Variants in ZSCAN26 observed in about 807,000 individuals in gnomAD.
ZSCAN26 encodes zinc finger and SCAN domain-containing protein 26.
Under a neutral mutation model 23.0 loss-of-function variants are expected in ZSCAN26, and 26 were observed. The observed-to-expected ratio is 1.13, with a 90% CI of 0.83 to 1.57. The LOEUF (loss-of-function observed/expected upper bound fraction) is 1.57, where lower values mean the gene tolerates loss of function less well. ZSCAN26 is among the 40% of genes most tolerant of loss of function. The pLI, the probability that ZSCAN26 is intolerant of heterozygous loss-of-function variation, is 0.00. For missense variants in ZSCAN26, 528 were observed against 568.5 expected (o/e 0.93, Z 0.72); for synonymous variants, 180 against 202.5 (o/e 0.89, Z 0.94).
At chr6:28,275,804 C>T (rs1395933469) in intron 3 of ZSCAN26, among the ~76,000 whole-genome samples, 4 of 152,142 alleles carry the variant, frequency 2.6e-5, no homozygotes, top group South Asian at 2.1e-4. Context: ...GTTAAAATGT[C>T]GTCCCTTTCT....
intron 3 of ZSCAN26, 65 bp from the exon 4 acceptor site, chr6:28,276,128 TAG>T: frequency 4.2e-6 from 6 of 1,426,984 alleles, no homozygotes; most frequent in Non-Finnish European, 5.7e-6. Context: ...TTTTTCCTTT[TAG>T]TTGCAGATTC....
chr6:28,269,408 A>G (rs1168965915), intron 1 of ZSCAN26, among the ~76,000 whole-genome samples: 1 of 152,166 alleles, frequency 6.6e-6, no homozygotes, highest in East Asian at 1.9e-4. Flanking sequence ...CGGTAAAGAT[A>G]GGTAGAGATC....
intron 3 of ZSCAN26, among the ~76,000 whole-genome samples, chr6:28,274,012 G>A (rs369008192): frequency 1.4e-4 from 22 of 151,932 alleles, no homozygotes; most frequent in South Asian, 1.0e-3. Flanking sequence ...CAAGCCACTC[G>A]CCCAGCCTCC....
intron 1 of ZSCAN26, among the ~76,000 whole-genome samples, chr6:28,270,906 A>G (rs150900635): frequency 1.4e-3 from 216 of 152,346 alleles, no homozygotes; most frequent in African/African-American, 4.5e-3. Flanking sequence ...CTGTGCTCAT[A>G]TCATTTCCCT....
chr6:28,276,569 C>T lies in ZSCAN26; in HGVS notation c.913C>T (p.His305Tyr). 1 of 1,613,274 alleles carries T rather than the reference C, an allele frequency of 6.2e-7. No homozygotes were observed. Among genetic ancestry groups the T allele is most frequent in the South Asian group, 1.1e-5 (1 of 90,882 alleles). ...SSHLVRHQKI[H>Y]LGEKPYQCNE... ...ACACCTCGTCAGACATCAGAAAATC[C>T]ATCTTGGTGAGAAGCCTTATCAGTG... The change falls in exon 4 of 4, where the codon CAT becomes TAT. Residue 305 changes from histidine to tyrosine, a missense_variant. Physicochemically the swap from His to Tyr is moderately conservative, Grantham distance 83. Transcript: ENST00000421553.
At chr6:28,268,266 A>G (rs1761526223) in intron 1 of ZSCAN26, among the ~76,000 whole-genome samples, 1 of 152,090 alleles carries the variant, frequency 6.6e-6, no homozygotes, top group Non-Finnish European at 1.5e-5. Flanking sequence ...ATGAAGTGTG[A>G]GTGGGCATTA....
chr6:28,267,143 A>G lies in ZSCAN26; in HGVS notation c.-137A>G, dbSNP rs891033028. 3.9e-5 allele frequency: 6 copies of G among 152,024 alleles called. No individual in the cohort carries two copies. The highest frequency in any genetic ancestry group is 7.3e-5 in the African/African-American group (3 of 41,290). 9.4% of individuals were successfully genotyped at this position (152,024 alleles called of 1,614,324 possible). ...GGAGAAGAAAGCGCTCCGAAGAGCT[A>G]GAGCTGACACTCGGCGATGAGCTAA... is the stretch of plus-strand genomic sequence containing the variant. On this transcript the variant is annotated 5_prime_UTR_variant, in exon 1 of 4. Coordinates refer to ENST00000421553, the MANE Select transcript of ZSCAN26 (RefSeq NM_001023560.4).
Position 28,277,016 on chromosome 6 carries a change from A to G in ZSCAN26, c.1360A>G (p.Ser454Gly). ...CAATGAAGAAAAACCCTATCAGTGT[A>G]GTGAATGTGGAGAAGCCTTCAGGCA... ...IHNEEKPYQCSECGEAFRQRS... is the reference protein window; with the variant it reads ...IHNEEKPYQCGECGEAFRQRS... Residue 454 changes from serine to glycine, a missense_variant, in exon 4 of 4, where the codon AGT becomes GGT. Ser to Gly is a moderately conservative substitution (Grantham distance 56, BLOSUM62 0). Transcript: ENST00000421553. 1 of 1,614,048 alleles carries G rather than the reference A, an allele frequency of 6.2e-7. No individual in the cohort carries two copies. Among genetic ancestry groups the G allele is most frequent in the Non-Finnish European group, 8.5e-7 (1 of 1,179,874 alleles).
In ZSCAN26 at chr6:28,271,947, T is replaced by TCCCTGGCTC; in HGVS notation, c.34_42dup (p.Ala12_Leu14dup). ...GGCAACAGCATTGGTGAGTGCCCAT[T>TCCCTGGCTC]CCCTGGCTCCCCTGAATCTGAAGAA... On this transcript the variant is annotated inframe_insertion, in exon 2 of 4. Transcript: ENST00000421553. The TCCCTGGCTC allele has an allele frequency of 6.4e-7, 1 of 1,551,572 alleles. No homozygotes were observed. The highest frequency in any genetic ancestry group is 2.4e-5 in the East Asian group (1 of 40,918).
chr6:28,272,419 G>A lies in ZSCAN26; in HGVS notation c.420+80G>A, dbSNP rs917930085. The A allele has an allele frequency of 1.3e-5, 19 of 1,408,090 alleles. No individual in the cohort carries two copies. In the African/African-American group the frequency reaches 1.6e-4, roughly 12 times the overall value. The allele number at this position is 1,408,090 out of a possible 1,614,324, so 87.2% of individuals were successfully genotyped here. ...GACAGGTGGACATGGGCTCATCAGC[G>A]GAAGGAGAATTACTAAGCTTTGATT... On this transcript the variant is annotated intron_variant, in intron 2 of 3. Coordinates refer to ENST00000421553, the MANE Select transcript of ZSCAN26 (RefSeq NM_001023560.4).
chr6:28,275,189 C>G (rs958647519), intron 3 of ZSCAN26, among the ~76,000 whole-genome samples: 1 of 152,136 alleles, frequency 6.6e-6, no homozygotes, highest in Non-Finnish European at 1.5e-5. Flanking sequence ...TAGAGTCTTT[C>G]TTCTATTTTC....
Position 28,272,244 on chromosome 6 carries a change from G to A in ZSCAN26, c.325G>A (p.Ala109Thr). The change falls in exon 2 of 4, where the codon GCC becomes ACC. Residue 109 changes from alanine to threonine, a missense_variant. Physicochemically the swap from Ala to Thr is moderately conservative, Grantham distance 58. Coordinates refer to ENST00000421553, the MANE Select transcript of ZSCAN26 (RefSeq NM_001023560.4). ...FLIILPKELQ[A>T]RVQEHHPESR... Reference sequence around the variant, plus strand: ...GATCATCCTGCCTAAGGAGCTCCAGGCCCGGGTGCAGGAGCATCACCCAGA... The same window carrying A: ...GATCATCCTGCCTAAGGAGCTCCAGACCCGGGTGCAGGAGCATCACCCAGA... 6.2e-7 allele frequency: 1 copy of A among 1,612,848 alleles called. No homozygotes were observed. Among genetic ancestry groups the A allele is most frequent in the Non-Finnish European group, 8.5e-7 (1 of 1,179,462 alleles).
chr6:28,269,874 G>T (rs144449885), intron 1 of ZSCAN26, among the ~76,000 whole-genome samples: 296 of 152,284 alleles, frequency 1.9e-3, no homozygotes, highest in African/African-American at 6.5e-3. Context: ...AAATATCTGA[G>T]CACCCTGTGG....
At chr6:28,272,610 C>A in intron 2 of ZSCAN26, 60 bp from the exon 3 acceptor site, 1 of 1,372,368 alleles carries the variant, frequency 7.3e-7, no homozygotes, top group South Asian at 1.3e-5. Flanking sequence ...TTTTACTGAA[C>A]AGCAGTTTCC....
intron 2 of ZSCAN26, among the ~76,000 whole-genome samples, 158 bp downstream of exon 2, chr6:28,272,497 C>T (rs1761738767): frequency 6.6e-6 from 1 of 152,194 alleles, no homozygotes; most frequent in African/African-American, 2.4e-5. Flanking sequence ...CTCAACCTTA[C>T]CTGGCCCTTG....
intron 3 of ZSCAN26, among the ~76,000 whole-genome samples, 192 bp from the exon 4 acceptor site, chr6:28,276,003 T>G (rs2113727111): frequency 6.6e-6 from 1 of 152,354 alleles, no homozygotes; most frequent in African/African-American, 2.4e-5. Flanking sequence ...ATTCCCCATC[T>G]TTCCCCAAAG....
intron 3 of ZSCAN26, among the ~76,000 whole-genome samples, chr6:28,273,995 A>G (rs937219778): frequency 1.3e-5 from 2 of 152,106 alleles, no homozygotes; most frequent in Non-Finnish European, 2.9e-5. Context: ...TGCTGGCATT[A>G]TAGGTGCAAG....
At position 28,276,992 on chromosome 6, in the gene ZSCAN26, A is replaced by G; in HGVS notation, c.1336A>G (p.Asn446Asp). ...CCTTGCTCAGCATGTAAGAATCCAC[A>G]ATGAAGAAAAACCCTATCAGTGTAG... ...SHLAQHVRIH[N>D]EEKPYQCSEC... Residue 446 changes from asparagine to aspartate, a missense_variant, in exon 4 of 4, where the codon AAT (asparagine) becomes GAT (aspartate). Physicochemically the swap from Asn to Asp is conservative, Grantham distance 23 (BLOSUM62 1). Coordinates refer to ENST00000421553, the MANE Select transcript of ZSCAN26 (RefSeq NM_001023560.4). 6.2e-7 allele frequency: 1 copy of G among 1,614,014 alleles called. No homozygotes were observed. The highest frequency in any genetic ancestry group is 8.5e-7 in the Non-Finnish European group (1 of 1,179,866).
intron 1 of ZSCAN26, among the ~76,000 whole-genome samples, chr6:28,270,373 G>A (rs1581607993): frequency 1.3e-5 from 2 of 152,316 alleles, no homozygotes; most frequent in Middle Eastern, 3.4e-3. Context: ...TCAAAGGCAT[G>A]TGTCAGCAGC....
Sources: gnomAD v4.1 joint callset for allele counts (sites outside exome capture counted in the v4.1 genomes callset) on GRCh38, gnomAD v4.1.1 for gene constraint, MANE v1.5 for transcripts, NCBI Gene and HGNC (gene_info 2026-07-23, HGNC 2026-07-21) for gene names.